The following TAF1B variants were observed in gnomAD, a reference collection of about 807,000 sequenced individuals.
TAF1B encodes TATA box-binding protein-associated factor RNA polymerase I subunit B.
TAF1B carries 61 observed loss-of-function variants against 83.9 expected under a neutral mutation model. The ratio of observed to expected loss-of-function variants is 0.73; its 90% CI spans 0.59 to 0.90. TAF1B has a LOEUF of 0.90. TAF1B is among the 40% of genes least tolerant of loss of function. The probability of loss-of-function intolerance (pLI) is 0.00; values close to 1 mark genes in which losing one functional copy is unlikely to be tolerated. For synonymous variants in TAF1B, 221 were observed against 224.6 expected (o/e 0.98, Z 0.14); for missense variants, 625 against 677.0 (o/e 0.92, Z 0.85).
intron 8 of TAF1B, among the ~76,000 whole-genome samples, chr2:9,897,359 C>T (rs1465445854): frequency 1.3e-5 from 2 of 152,184 alleles, no homozygotes; most frequent in Non-Finnish European, 2.9e-5. Flanking sequence ...AACATAGATA[C>T]TATTCTACCA....
chr2:9,921,745 C>T (rs1665886207), intron 14 of TAF1B, among the ~76,000 whole-genome samples: 1 of 152,112 alleles, frequency 6.6e-6, no homozygotes, highest in African/African-American at 2.4e-5. Context: ...TTCAACTTTG[C>T]TGTATGATTG....
chr2:9,889,591 TGGTTA>T (rs1664801729), intron 8 of TAF1B, among the ~76,000 whole-genome samples: 4 of 152,308 alleles, frequency 2.6e-5, no homozygotes, highest in Non-Finnish European at 5.9e-5. Flanking sequence ...TTTTATTGAT[TGGTTA>T]TGTATCATAT....
At chr2:9,868,193 G>T in intron 5 of TAF1B, 83 bp from the exon 6 acceptor site, 464 of 1,273,952 alleles carry the variant, frequency 3.6e-4, no homozygotes, top group Non-Finnish European at 4.0e-4. Context: ...TAGGGTGTTT[G>T]TGATAGGAGT....
In TAF1B at chr2:9,928,533, G is replaced by A. The variant is rs1022600139; in HGVS notation, c.1566-5250G>A. On this transcript the variant is annotated intron_variant, in intron 14 of 14. Coordinates refer to ENST00000263663, the MANE Select transcript of TAF1B (RefSeq NM_005680.3). ...ATTTGTTTGTGTCCTCTTTTATTTC[G>A]TTGAGCAGTGGTTTGTAGTTCTCCT... is the stretch of plus-strand genomic sequence containing the variant. Among the ~76,000 whole-genome samples, 24 of 152,072 alleles carry A rather than the reference G, an allele frequency of 1.6e-4. No individual in the cohort carries two copies. In the East Asian group the frequency reaches 2.7e-3, roughly 17 times the overall value.
intron 9 of TAF1B, among the ~76,000 whole-genome samples, chr2:9,905,312 GTA>G (rs1193502452): frequency 6.6e-6 from 1 of 152,268 alleles, no homozygotes; most frequent in Admixed American, 6.5e-5. Context: ...AAATGTTTCA[GTA>G]TATGTTTTTA....
chr2:9,860,994 G>A (rs1663733902), intron 5 of TAF1B, among the ~76,000 whole-genome samples: 1 of 152,196 alleles, frequency 6.6e-6, no homozygotes, highest in Admixed American at 6.5e-5. Flanking sequence ...AATAGGAACA[G>A]CTCCAGTCTA....
At chr2:9,918,814 A>G (rs1665779690) in intron 12 of TAF1B, among the ~76,000 whole-genome samples, 1 of 152,204 alleles carries the variant, frequency 6.6e-6, no homozygotes, top group South Asian at 2.1e-4. Flanking sequence ...AAGATGTCAC[A>G]GCATCTGGGT....
At chr2:9,880,426 CTTTTTT>C (rs6146620) in intron 7 of TAF1B, among the ~76,000 whole-genome samples, 5 of 75,036 alleles carry the variant, frequency 6.7e-5, no homozygotes, top group Non-Finnish European at 7.4e-5. Context: ...GAGTAAGCAG[CTTTTTT>C]TTTTTTTTTT....
chr2:9,879,314 A>G (rs553105853), intron 7 of TAF1B, among the ~76,000 whole-genome samples: 1 of 152,204 alleles, frequency 6.6e-6, no homozygotes, highest in South Asian at 2.1e-4. Context: ...CAACACTCTG[A>G]CAGTAGATCT....
At chr2:9,878,679 A>G (rs574013731) in intron 7 of TAF1B, among the ~76,000 whole-genome samples, 4 of 152,320 alleles carry the variant, frequency 2.6e-5, no homozygotes, top group African/African-American at 7.2e-5. Context: ...TTGAATATCT[A>G]CTATATGCAG....
chr2:9,846,340 T>C (rs1000192945), intron 2 of TAF1B, among the ~76,000 whole-genome samples: 9 of 152,212 alleles, frequency 5.9e-5, no homozygotes, highest in Admixed American at 5.9e-4. Context: ...CGGGCCAGCA[T>C]CACCAAAGTG....
chr2:9,853,322 G>A (rs7608055), intron 4 of TAF1B, among the ~76,000 whole-genome samples: 36,790 of 152,102 alleles, frequency 0.24, 5,021 homozygotes, highest in East Asian at 0.31. Flanking sequence ...TAGTTTTTCT[G>A]CTTAATGGCT....
chr2:9,893,393 A>T (rs1036665314), intron 8 of TAF1B, among the ~76,000 whole-genome samples: 3 of 151,064 alleles, frequency 2.0e-5, no homozygotes, highest in Non-Finnish European at 3.0e-5. Context: ...ACCAGAAACA[A>T]TCTAAATGTC....
chr2:9,912,523 T>C (rs1393713715), intron 11 of TAF1B, among the ~76,000 whole-genome samples: 1 of 152,214 alleles, frequency 6.6e-6, no homozygotes, highest in Admixed American at 6.5e-5. Flanking sequence ...AGTGAAAGGT[T>C]GAACTAGCTG....
intron 8 of TAF1B, among the ~76,000 whole-genome samples, chr2:9,890,267 G>C (rs1664828696): frequency 6.6e-6 from 1 of 152,156 alleles, no homozygotes; most frequent in African/African-American, 2.4e-5. Flanking sequence ...GCTTGAACCT[G>C]TTCTTTCATA....
At chr2:9,915,107 TAGA>T (rs1665643914) in intron 12 of TAF1B, among the ~76,000 whole-genome samples, 1 of 152,218 alleles carries the variant, frequency 6.6e-6, no homozygotes, top group Non-Finnish European at 1.5e-5. Flanking sequence ...CTAGCTGTTA[TAGA>T]AGATGTTGAG....
chr2:9,883,829 A>G (rs546597522), intron 8 of TAF1B, among the ~76,000 whole-genome samples: 1 of 152,378 alleles, frequency 6.6e-6, no homozygotes, highest in Admixed American at 6.5e-5. Context: ...TTGTAAAATA[A>G]TTCTCTTTGT....
chr2:9,933,833 A>G lies in TAF1B; in HGVS notation c.1616A>G (p.Tyr539Cys), dbSNP rs371005058. The G allele has an allele frequency of 6.2e-7, 1 of 1,613,880 alleles. No homozygotes were observed. Among genetic ancestry groups the G allele is most frequent in the Non-Finnish European group, 8.5e-7 (1 of 1,179,870 alleles). The change falls in exon 15 of 15, where the codon TAT becomes TGT. Residue 539 changes from tyrosine to cysteine, a missense_variant. Tyr to Cys is a radical substitution (Grantham distance 194, BLOSUM62 -2). Coordinates refer to ENST00000263663, the MANE Select transcript of TAF1B (RefSeq NM_005680.3). The part of the protein sequence containing the change: ...TYEESNYSLS[Y>C]QFILNLFSFL... ...GAAGAATCAAATTATTCTCTGAGTT[A>G]TCAGTTTATACTAAATCTCTTCTCC...
At chr2:9,887,520 A>G (rs1296945436) in intron 8 of TAF1B, among the ~76,000 whole-genome samples, 1 of 148,794 alleles carries the variant, frequency 6.7e-6, no homozygotes. Flanking sequence ...TGCTGTTTCT[A>G]CTTGTCTGAT....
Sources: allele counts gnomAD v4.1 joint callset (sites outside exome capture counted in the v4.1 genomes callset), GRCh38; gene constraint gnomAD v4.1.1; transcripts MANE v1.5; gene names NCBI Gene and HGNC (gene_info 2026-07-23, HGNC 2026-07-21).